The following NCOA1 variants were observed in gnomAD, a reference collection of about 807,000 sequenced individuals.
NCOA1 encodes nuclear receptor coactivator 1.
A neutral mutation model predicts 150.9 loss-of-function variants in NCOA1; 35 were observed. The observed-to-expected ratio is 0.23, with a 90% confidence interval of 0.18 to 0.31. NCOA1 has a LOEUF of 0.31. NCOA1 is among the 10% of genes least tolerant of loss of function. NCOA1 has a pLI of 1.00. For missense variants in NCOA1, 1,491 were observed against 1,749.3 expected (o/e 0.85, Z 2.63); for synonymous variants, 590 against 630.0 (o/e 0.94, Z 0.95).
chr2:24,569,564 T>TG (rs1666652831), intron 2 of NCOA1, among the ~76,000 whole-genome samples: 1 of 141,892 alleles, frequency 7.0e-6, no homozygotes, highest in African/African-American at 2.6e-5. Context: ...TTTTTTTTTT[T>TG]TTTTTTTTTT....
At chr2:24,698,451 AG>A (rs1292852357) in intron 11 of NCOA1, among the ~76,000 whole-genome samples, 2 of 152,154 alleles carry the variant, frequency 1.3e-5, no homozygotes, top group Non-Finnish European at 2.9e-5. Context: ...ATTATTGCAT[AG>A]CTTCTGGGTC....
At chr2:24,642,007 CGTGTGTGTGTGTGT>C (rs58991961) in intron 3 of NCOA1, among the ~76,000 whole-genome samples, 2 of 144,948 alleles carry the variant, frequency 1.4e-5, no homozygotes, top group Admixed American at 6.9e-5. Context: ...TTACAGAGGG[CGTGTGTGTGTGTGT>C]GTGTGTGTGT....
chr2:24,539,838 G>A (rs1349697964), intron 1 of NCOA1, among the ~76,000 whole-genome samples: 2 of 152,118 alleles, frequency 1.3e-5, no homozygotes, highest in South Asian at 2.1e-4. Flanking sequence ...TAATCAATAG[G>A]GTAATTCATT....
rs1483682103 is a variant in NCOA1, at chr2:24,769,742, C to G, written c.*1351C>G. The stretch of plus-strand genomic sequence containing the variant: ...TCCCATCTCATCCTGGCCTCTGAGT[C>G]AAGAACCCAGTGAACTGACTTTCTA... On this transcript the variant is annotated 3_prime_UTR_variant, in exon 23 of 23. Coordinates refer to ENST00000348332, the MANE Select transcript of NCOA1 (RefSeq NM_003743.5). The G allele has an allele frequency of 4.5e-6, 1 of 221,092 alleles. No individual in the cohort carries two copies. The highest frequency in any genetic ancestry group is 2.2e-5 in the African/African-American group (1 of 44,644). The allele number at this position is 221,092 out of a possible 1,614,324, so 13.7% of individuals were successfully genotyped here.
At chr2:24,586,275 CAAAAAAAAAAAAAAA>C (rs34590281) in intron 3 of NCOA1, among the ~76,000 whole-genome samples, 1 of 66,168 alleles carries the variant, frequency 1.5e-5, no homozygotes, top group Non-Finnish European at 2.7e-5. Context: ...GACTCGGTCT[CAAAAAAAAAAAAAAA>C]AAAAAAAAAA....
intron 3 of NCOA1, among the ~76,000 whole-genome samples, chr2:24,599,439 T>C (rs1421644200): frequency 6.6e-6 from 1 of 152,220 alleles, no homozygotes; most frequent in African/African-American, 2.4e-5. Flanking sequence ...GTATAGTCAG[T>C]GTCTACTGTG....
chr2:24,576,187 T>G (rs1412735863), intron 2 of NCOA1, among the ~76,000 whole-genome samples: 1 of 100,816 alleles, frequency 9.9e-6, no homozygotes, highest in Non-Finnish European at 2.1e-5. Context: ...TTTTTTTTTT[T>G]TTTTGTTTGC....
chr2:24,602,055 C>T (rs1320400442), intron 3 of NCOA1, among the ~76,000 whole-genome samples: 2 of 152,018 alleles, frequency 1.3e-5, no homozygotes, highest in African/African-American at 2.4e-5. Flanking sequence ...CTTCTTCTGT[C>T]GTTTCAAAAA....
chr2:24,599,906 T>C lies in NCOA1; in HGVS notation c.-175+15346T>C, dbSNP rs867870255. The stretch of plus-strand genomic sequence containing the variant: ...CCACCACGTCCGGCAAATTTTTGTA[T>C]TTTTAGTAGAGATGGGGTTTCACCA... On this transcript the variant is annotated intron_variant, in intron 3 of 22. Transcript: ENST00000348332. Among the ~76,000 whole-genome samples the C allele has an allele frequency of 7.9e-4, 120 of 152,094 alleles. 2 individuals are homozygous for C. The highest frequency in any genetic ancestry group is 3.2e-4 in the Non-Finnish European group (22 of 67,980).
chr2:24,543,626 C>T (rs1381992016), intron 1 of NCOA1, among the ~76,000 whole-genome samples: 1 of 151,820 alleles, frequency 6.6e-6, no homozygotes, highest in Non-Finnish European at 1.5e-5. Flanking sequence ...GAGCACTTAA[C>T]CTAGATGAAC....
At chr2:24,698,744 C>A (rs1673016141) in intron 11 of NCOA1, among the ~76,000 whole-genome samples, 1 of 152,060 alleles carries the variant, frequency 6.6e-6, no homozygotes, top group Admixed American at 6.5e-5. Context: ...AAATATGTTT[C>A]ATTATTTTGT....
chr2:24,629,782 T>A (rs973278359), intron 3 of NCOA1, among the ~76,000 whole-genome samples: 270 of 143,742 alleles, frequency 1.9e-3, no homozygotes, highest in African/African-American at 6.6e-3. Flanking sequence ...ATGTTGTTTA[T>A]CATGTGCCAG....
chr2:24,668,340 T>G (rs766058837), intron 6 of NCOA1, among the ~76,000 whole-genome samples: 2 of 152,094 alleles, frequency 1.3e-5, no homozygotes, highest in Non-Finnish European at 2.9e-5. Flanking sequence ...CCCAGCACAG[T>G]TGTTGTAAAA....
intron 1 of NCOA1, among the ~76,000 whole-genome samples, chr2:24,505,255 C>A (rs188434286): frequency 1.3e-5 from 2 of 151,316 alleles, no homozygotes; most frequent in African/African-American, 4.9e-5. Flanking sequence ...GGGGCAATCT[C>A]GGCTCACCGC....
intron 17 of NCOA1, 44 bp downstream of exon 17, chr2:24,729,859 G>A: frequency 7.0e-7 from 1 of 1,429,374 alleles, no homozygotes; most frequent in Non-Finnish European, 9.1e-7. Flanking sequence ...TTTTTTTTGA[G>A]ACGAAGTCTC....
At chr2:24,645,517 A>G (rs955674327) in intron 4 of NCOA1, among the ~76,000 whole-genome samples, 10 of 151,668 alleles carry the variant, frequency 6.6e-5, no homozygotes, top group Admixed American at 1.3e-4. Context: ...TCAGAAAAAA[A>G]AAAAAAAAAA....
At chr2:24,592,302 C>T (rs1667688276) in intron 3 of NCOA1, among the ~76,000 whole-genome samples, 1 of 152,110 alleles carries the variant, frequency 6.6e-6, no homozygotes, top group South Asian at 2.1e-4. Context: ...GTAAAGCAAA[C>T]TCAGTGACCT....
At chr2:24,553,621 A>G (rs1202967507) in intron 1 of NCOA1, among the ~76,000 whole-genome samples, 1 of 152,208 alleles carries the variant, frequency 6.6e-6, no homozygotes, top group Non-Finnish European at 1.5e-5. Context: ...TTGAACCAAC[A>G]TTGCATTCTT....
rs77152273 is a variant in NCOA1, at chr2:24,673,540, T to G, written c.354+77T>G. On this transcript the variant is annotated intron_variant, in intron 7 of 22. Coordinates refer to ENST00000348332, the MANE Select transcript of NCOA1 (RefSeq NM_003743.5). ...TTTGGTTTTTTCTTTTTTAAATGCC[T>G]TATATCCAGTTAATAAATTATAAAA... is the stretch of plus-strand genomic sequence containing the variant. The G allele has an allele frequency of 3.3e-3, 2,592 of 786,864 alleles. 90 individuals are homozygous for G. In the East Asian group the frequency reaches 0.048, roughly 15 times the overall value. 48.7% of individuals were successfully genotyped at this position (786,864 alleles called of 1,614,324 possible).
Sources: allele counts gnomAD v4.1 joint callset (sites outside exome capture counted in the v4.1 genomes callset), GRCh38; gene constraint gnomAD v4.1.1; transcripts MANE v1.5; gene names NCBI Gene and HGNC (gene_info 2026-07-23, HGNC 2026-07-21).